Variants in UVRAG observed in about 807,000 individuals in gnomAD.
The protein encoded by UVRAG is UV radiation resistance associated, also known as UV radiation resistance-associated gene protein.
A neutral mutation model predicts 78.0 loss-of-function variants in UVRAG; 19 were observed. The ratio of observed to expected loss-of-function variants is 0.24; its 90% CI spans 0.17 to 0.36. The LOEUF is 0.36. UVRAG is among the 10% of genes least tolerant of loss of function. The pLI is 1.00. For missense variants in UVRAG, 740 were observed against 853.8 expected, an observed-to-expected ratio of 0.87 and a Z score of 1.66; for synonymous variants, 323 against 324.6, an observed-to-expected ratio of 1.00 and a Z score of 0.05.
At chr11:75,995,983 T>C (rs968234887) in intron 8 of UVRAG, among the ~76,000 whole-genome samples, 2 of 152,110 alleles carry the variant, frequency 1.3e-5, no homozygotes, top group African/African-American at 2.4e-5. Flanking sequence ...AGACAACTTG[T>C]GGCAGGGGTA....
intron 7 of UVRAG, among the ~76,000 whole-genome samples, chr11:75,978,864 C>T (rs1377888507): frequency 6.6e-6 from 1 of 152,204 alleles, no homozygotes; most frequent in Non-Finnish European, 1.5e-5. Context: ...CTGAATCCTT[C>T]TTCTCTCTGC....
intron 13 of UVRAG, among the ~76,000 whole-genome samples, chr11:76,105,017 C>T (rs1029291795): frequency 6.6e-6 from 1 of 152,088 alleles, no homozygotes; most frequent in South Asian, 2.1e-4. Context: ...TATACTCTAG[C>T]TAGATTAGGC....
intron 5 of UVRAG, among the ~76,000 whole-genome samples, chr11:75,903,016 A>T (rs1947540622): frequency 6.6e-6 from 1 of 152,108 alleles, no homozygotes; most frequent in Non-Finnish European, 1.5e-5. Context: ...CATCAGCCCA[A>T]ATTCAGTCAG....
rs894216715 is a variant in UVRAG, at chr11:75,910,082, T to C, written c.508-1872T>C. ...TTCACTAAAAAAGTAGATATGGGACTATTTAGATGTTTCATAGTATGTCTG... is the reference window on the plus strand; with the variant it reads ...TTCACTAAAAAAGTAGATATGGGACCATTTAGATGTTTCATAGTATGTCTG... On this transcript the variant is annotated intron_variant, in intron 5 of 14. Transcript: ENST00000356136. 3.3e-5 allele frequency among the ~76,000 whole-genome samples: 5 copies of C among 152,364 alleles called. No individual in the cohort carries two copies. In the South Asian group the frequency reaches 1.0e-3, roughly 32 times the overall value.
chr11:76,081,913 A>C (rs1951501625), intron 13 of UVRAG, among the ~76,000 whole-genome samples: 1 of 150,636 alleles, frequency 6.6e-6, no homozygotes, highest in South Asian at 2.1e-4. Flanking sequence ...TTTCACCAGC[A>C]TGATGTAGAG....
intron 5 of UVRAG, among the ~76,000 whole-genome samples, chr11:75,905,637 C>A (rs1167349551): frequency 6.6e-6 from 1 of 152,116 alleles, no homozygotes; most frequent in African/African-American, 2.4e-5. Flanking sequence ...CTTTTTAGGG[C>A]TGAGTAATAT....
chr11:75,977,382 G>A (rs1425786468), intron 7 of UVRAG, among the ~76,000 whole-genome samples: 4 of 152,148 alleles, frequency 2.6e-5, no homozygotes, highest in Admixed American at 2.6e-4. Flanking sequence ...ATGTCTATTA[G>A]GTCTGCTTGG....
intron 1 of UVRAG, among the ~76,000 whole-genome samples, chr11:75,830,308 C>T (rs1336890330): frequency 5.3e-5 from 8 of 151,042 alleles, no homozygotes; most frequent in Non-Finnish European, 7.4e-5. Context: ...GTCTCGCTTT[C>T]GGCCAGGCTG....
At chr11:76,049,264 C>A (rs1950819016) in intron 12 of UVRAG, among the ~76,000 whole-genome samples, 1 of 152,158 alleles carries the variant, frequency 6.6e-6, no homozygotes, top group Admixed American at 6.5e-5. Context: ...CAAAAACTTT[C>A]CAAATATTCT....
chr11:75,865,008 C>A (rs1345110085), intron 3 of UVRAG, among the ~76,000 whole-genome samples: 1 of 152,168 alleles, frequency 6.6e-6, no homozygotes, highest in Non-Finnish European at 1.5e-5. Flanking sequence ...TAAAAAGAGG[C>A]CGAGTGTGGT....
At chr11:75,974,609 A>G (rs1294958310) in intron 7 of UVRAG, among the ~76,000 whole-genome samples, 3 of 146,508 alleles carry the variant, frequency 2.0e-5, no homozygotes, top group South Asian at 4.4e-4. Context: ...CTCACGATCC[A>G]CCCGCCTCGG....
chr11:75,860,546 A>G (rs1303168181), intron 2 of UVRAG, among the ~76,000 whole-genome samples: 1 of 152,188 alleles, frequency 6.6e-6, no homozygotes, highest in Non-Finnish European at 1.5e-5. Flanking sequence ...GTATGTTAGG[A>G]TATATGTATA....
intron 9 of UVRAG, 38 bp from the exon 10 acceptor site, chr11:76,007,496 A>T: frequency 6.9e-7 from 1 of 1,458,860 alleles, no homozygotes; most frequent in Non-Finnish European, 9.5e-7. Context: ...ATGCAAGCAT[A>T]TATTTTTTAA....
Position 75,857,520 on chromosome 11 carries a change from C to T in UVRAG, c.236-4226C>T, listed in dbSNP as rs143889043. Among the ~76,000 whole-genome samples, 44 of 146,790 alleles carry T rather than the reference C, an allele frequency of 3.0e-4. 1 individual carries two copies. The East Asian group carries it at 9.0e-3, about 30-fold the overall frequency. ...CCCTTTTTTTTTTGAGATGGAGTCT[C>T]GCTCTGTTGCCCAGGCTGGAGTGCA... On this transcript the variant is annotated intron_variant, in intron 2 of 14. Coordinates refer to ENST00000356136, the MANE Select transcript of UVRAG (RefSeq NM_003369.4).
At chr11:76,025,829 A>AG (rs1950316917) in intron 12 of UVRAG, among the ~76,000 whole-genome samples, 1 of 152,254 alleles carries the variant, frequency 6.6e-6, no homozygotes, top group South Asian at 2.1e-4. Context: ...TTTTGTGACT[A>AG]GGTGCATAAG....
chr11:75,965,810 G>T (rs1949010442), intron 7 of UVRAG, among the ~76,000 whole-genome samples: 1 of 152,014 alleles, frequency 6.6e-6, no homozygotes, highest in African/African-American at 2.4e-5. Flanking sequence ...TATTCATTAT[G>T]CTAGTTATTT....
chr11:76,053,995 C>T (rs1276026294), intron 12 of UVRAG, among the ~76,000 whole-genome samples: 2 of 150,070 alleles, frequency 1.3e-5, no homozygotes, highest in African/African-American at 4.9e-5. Context: ...AAGTTATTAT[C>T]CTCTCATTTT....
chr11:75,948,358 C>T (rs987446207), intron 6 of UVRAG, among the ~76,000 whole-genome samples: 2 of 152,032 alleles, frequency 1.3e-5, no homozygotes, highest in African/African-American at 2.4e-5. Context: ...CTTTTATTAA[C>T]GCAGAACCAG....
intron 13 of UVRAG, among the ~76,000 whole-genome samples, chr11:76,098,874 A>C (rs1951830969): frequency 6.6e-6 from 1 of 152,184 alleles, no homozygotes; most frequent in South Asian, 2.1e-4. Context: ...CCTTATGCAA[A>C]CAAAATTGTA....
Sources: allele counts gnomAD v4.1 joint callset (sites outside exome capture counted in the v4.1 genomes callset), GRCh38; gene constraint gnomAD v4.1.1; transcripts MANE v1.5; gene names NCBI Gene and HGNC (gene_info 2026-07-23, HGNC 2026-07-21).